Variants in TANC1 observed in about 807,000 individuals in gnomAD.
The protein encoded by TANC1 is protein TANC1.
In TANC1, 77 loss-of-function variants were observed where a neutral mutation model predicts 149.7. The observed-to-expected ratio is 0.51, with a 90% CI of 0.43 to 0.62. TANC1 has a LOEUF of 0.62. Among genes scored for constraint, TANC1 ranks in the 20% least tolerant of loss-of-function variants. The pLI, the probability that TANC1 is intolerant of heterozygous loss-of-function variation, is 0.00. For synonymous variants in TANC1, 854 were observed against 925.0 expected, an observed-to-expected ratio of 0.92 and a Z score of 1.39; for missense variants, 1,985 against 2,321.8, an observed-to-expected ratio of 0.85 and a Z score of 2.98.
Position 159,176,529 on chromosome 2 carries a change from A to T in TANC1, c.1902+11A>T. On this transcript the variant is annotated intron_variant, in intron 13 of 26. Transcript: ENST00000263635. The stretch of plus-strand genomic sequence containing the variant: ...AGAGCAAATTTTCAGGTAACAAAGA[A>T]TTCTCAAATCTTTCTCCAAGTCCCC... The T allele has an allele frequency of 6.3e-7, 1 of 1,581,748 alleles. No homozygotes were observed. The highest frequency in any genetic ancestry group is 8.6e-7 in the Non-Finnish European group (1 of 1,167,618).
At chr2:159,174,843 G>A (rs1222040159) in intron 11 of TANC1, 110 bp from the exon 12 acceptor site, 1 of 805,752 alleles carries the variant, frequency 1.2e-6, no homozygotes, top group South Asian at 1.5e-5. Context: ...GGGAATAGAT[G>A]CTATGTATCT....
chr2:159,120,791 G>A (rs1419293219), intron 4 of TANC1, among the ~76,000 whole-genome samples: 1 of 151,998 alleles, frequency 6.6e-6, no homozygotes, highest in East Asian at 1.9e-4. Flanking sequence ...TGTAGAGATG[G>A]GGTTTCACTG....
At chr2:159,150,996 A>T (rs752343364) in intron 7 of TANC1, among the ~76,000 whole-genome samples, 5 of 152,036 alleles carry the variant, frequency 3.3e-5, no homozygotes, top group Non-Finnish European at 1.5e-5. Context: ...GTTTCTTATC[A>T]TGGGATCTGA....
In TANC1 at chr2:159,172,175, C is replaced by T. The variant is rs764550689; in HGVS notation, c.1406C>T (p.Ser469Phe). The change falls in exon 11 of 27, where the codon TCC becomes TTC. Residue 469 changes from serine to phenylalanine, a missense_variant. Transcript: ENST00000263635. ...HFTPLLSPSS[S>F]TSASSTAKTP... ...ACTCCGTTGCTTTCACCGAGTTCTT[C>T]CACAAGTGCTTCCAGCACAGCTAAA... 5.0e-6 allele frequency: 8 copies of T among 1,614,078 alleles called. No homozygotes were observed. The South Asian group carries it at 7.7e-5, about 16-fold the overall frequency.
intron 1 of TANC1, among the ~76,000 whole-genome samples, chr2:158,994,785 G>A (rs2035985617): frequency 6.6e-6 from 1 of 152,204 alleles, no homozygotes; most frequent in African/African-American, 2.4e-5. Flanking sequence ...ACTGCATTCA[G>A]ATTTGAGAAT....
intron 18 of TANC1, among the ~76,000 whole-genome samples, chr2:159,198,196 T>C (rs1217764985): frequency 2.6e-5 from 4 of 152,226 alleles, no homozygotes; most frequent in African/African-American, 9.6e-5. Flanking sequence ...GTGTATCAGA[T>C]ATAGACCTTG....
chr2:159,019,397 A>G (rs2038591218), intron 2 of TANC1, among the ~76,000 whole-genome samples: 1 of 152,176 alleles, frequency 6.6e-6, no homozygotes, highest in African/African-American at 2.4e-5. Flanking sequence ...GAAACTAGAA[A>G]TCCTTATTTA....
At chr2:159,061,960 G>A (rs1206921240) in intron 2 of TANC1, among the ~76,000 whole-genome samples, 11 of 152,288 alleles carry the variant, frequency 7.2e-5, no homozygotes, top group South Asian at 2.1e-4. Context: ...AAAGTAGGCC[G>A]GGCGTGGTAG....
At chr2:159,227,509 A>G in intron 24 of TANC1, 1 of 314,086 alleles carries the variant, frequency 3.2e-6, no homozygotes, top group Non-Finnish European at 5.8e-6. Flanking sequence ...TCAAAAATAC[A>G]TACCAGAAGG....
Position 159,170,775 on chromosome 2 carries a change from G to T in TANC1, c.1321G>T (p.Ala441Ser). The T allele has an allele frequency of 6.2e-7, 1 of 1,614,142 alleles. No individual in the cohort carries two copies. Among genetic ancestry groups the T allele is most frequent in the Non-Finnish European group, 8.5e-7 (1 of 1,179,978 alleles). ...CCACGGAAGCCGCATGAGGCAGATT[G>T]CTTCCAACAGCCCGGGTTCATCACC... ...SCHGSRMRQI[A>S]SNSPGSSPKT... The change falls in exon 10 of 27, where the codon GCT (alanine) becomes TCT (serine). Residue 441 changes from alanine to serine, a missense_variant. Coordinates refer to ENST00000263635, the MANE Select transcript of TANC1 (RefSeq NM_033394.3).
chr2:158,974,471 T>C (rs1007198280), intron 1 of TANC1, among the ~76,000 whole-genome samples: 1 of 152,204 alleles, frequency 6.6e-6, no homozygotes, highest in Non-Finnish European at 1.5e-5. Flanking sequence ...TCTCACTCTG[T>C]TACCCAGGCT....
intron 2 of TANC1, among the ~76,000 whole-genome samples, chr2:159,058,086 A>C (rs1248136946): frequency 6.6e-6 from 1 of 152,200 alleles, no homozygotes; most frequent in African/African-American, 2.4e-5. Flanking sequence ...CTTGCACAGT[A>C]GCCATTGGCC....
In TANC1 at chr2:159,084,639, A is replaced by G. The variant is rs544954564; in HGVS notation, c.62-12998A>G. ...GAGGGGGTGGTGTACTGCTTAGAGT[A>G]TTGTTCTAAAAGTCTTTTTCCCTTC... is the stretch of plus-strand genomic sequence containing the variant. On this transcript the variant is annotated intron_variant, in intron 3 of 26. Transcript: ENST00000263635. Among the ~76,000 whole-genome samples the G allele has an allele frequency of 2.0e-5, 3 of 152,216 alleles. 1 individual carries two copies. Among genetic ancestry groups the G allele is most frequent in the Admixed American group, 2.0e-4 (3 of 15,292 alleles).
chr2:159,004,226 T>A (rs1461508485), intron 2 of TANC1: 91 of 1,612,390 alleles, frequency 5.6e-5, no homozygotes, highest in Non-Finnish European at 7.5e-5. Flanking sequence ...TCTTGGACAG[T>A]AAAGCACCAA....
intron 7 of TANC1, among the ~76,000 whole-genome samples, chr2:159,150,995 C>A (rs985957586): frequency 5.3e-5 from 8 of 152,212 alleles, no homozygotes; most frequent in Non-Finnish European, 8.8e-5. Context: ...GGTTTCTTAT[C>A]ATGGGATCTG....
At chr2:159,054,710 A>G (rs1236363479) in intron 2 of TANC1, among the ~76,000 whole-genome samples, 1 of 152,212 alleles carries the variant, frequency 6.6e-6, no homozygotes, top group African/African-American at 2.4e-5. Flanking sequence ...GCATTGATTG[A>G]GTGCCTTTTA....
At chr2:159,161,930 T>G (rs1464244327) in intron 7 of TANC1, among the ~76,000 whole-genome samples, 1 of 152,242 alleles carries the variant, frequency 6.6e-6, no homozygotes. Context: ...CTATGTGCTG[T>G]GCTGTGCTAT....
At chr2:159,157,423 TACACACTTGGGAAAATCCAAAATGTG>T (rs1335026315) in intron 7 of TANC1, among the ~76,000 whole-genome samples, 1 of 152,148 alleles carries the variant, frequency 6.6e-6, no homozygotes, top group African/African-American at 2.4e-5. Context: ...GGCTTTCCCT[TACACACTTGGGAAAATCCAAAATGTG>T]GCCTGGTGGC....
chr2:159,163,614 C>CA, intron 8 of TANC1, 68 bp downstream of exon 8: 4 of 1,544,900 alleles, frequency 2.6e-6, no homozygotes, highest in Non-Finnish European at 1.8e-6. Flanking sequence ...TCACTGTCTT[C>CA]ACATGGGAAG....
Sources: gnomAD v4.1 joint callset for allele counts (sites outside exome capture counted in the v4.1 genomes callset) on GRCh38, gnomAD v4.1.1 for gene constraint, MANE v1.5 for transcripts, NCBI Gene and HGNC (gene_info 2026-07-23, HGNC 2026-07-21) for gene names.